The following KIAA0753 variants were observed in gnomAD, a reference collection of about 807,000 sequenced individuals.
KIAA0753 encodes the protein KIAA0753, also known as protein moonraker.
KIAA0753 carries 114 observed loss-of-function variants against 116.9 expected under a neutral mutation model. The ratio of observed to expected loss-of-function variants is 0.98; its 90% CI spans 0.84 to 1.14. The LOEUF is 1.14. Among genes scored for constraint, KIAA0753 ranks in the 50% most tolerant of loss-of-function variants. The pLI is 0.00. For missense variants in KIAA0753, 1,156 were observed against 1,172.4 expected, an observed-to-expected ratio of 0.99 and a Z score of 0.20; for synonymous variants, 405 against 413.1, an observed-to-expected ratio of 0.98 and a Z score of 0.24.
At chr17:6,632,694 G>A (rs1484168505) in intron 2 of KIAA0753, among the ~76,000 whole-genome samples, 2 of 152,188 alleles carry the variant, frequency 1.3e-5, no homozygotes, top group Admixed American at 6.5e-5. Flanking sequence ...TGCTAGTGCT[G>A]GGACTAAATT....
chr17:6,640,434 T>G (rs1197113946), intron 1 of KIAA0753: 1 of 152,338 alleles, frequency 6.6e-6, no homozygotes, highest in Non-Finnish European at 1.5e-5. Context: ...GCAGCCTTTC[T>G]CCCTCCGAGC....
chr17:6,592,728 A>G (rs750796838), intron 16 of KIAA0753, among the ~76,000 whole-genome samples: 7 of 152,256 alleles, frequency 4.6e-5, no homozygotes, highest in Non-Finnish European at 8.8e-5. Context: ...GAAGAAAACA[A>G]GAGAATCTCT....
intron 14 of KIAA0753, 44 bp from the exon 15 acceptor site, chr17:6,596,387 TA>T (rs1969489510): frequency 1.5e-6 from 2 of 1,372,400 alleles, no homozygotes; most frequent in African/African-American, 2.9e-5. Context: ...TGGGGTGGAT[TA>T]GGGGTGGGAA....
chr17:6,639,540 C>T lies in KIAA0753; in HGVS notation c.-69+1097G>A, dbSNP rs1464833136. 1.3e-5 allele frequency: 2 copies of T among 152,908 alleles called. No homozygotes were observed. Among genetic ancestry groups the T allele is most frequent in the African/African-American group, 2.4e-5 (1 of 41,444 alleles). The allele number at this position is 152,908 out of a possible 1,614,324, so 9.5% of individuals were successfully genotyped here. ...CAGGCACACTCGCAGGAGGCACCCT[C>T]CCAGCCTGTCCCTGTCCACAGAAGC... On this transcript the variant is annotated intron_variant, in intron 1 of 18. Transcript: ENST00000361413. The surrounding 1 kb of genome is among the most constrained non-coding windows in gnomAD (Gnocchi z 4.3).
At chr17:6,627,087 C>A (rs1350642874) in intron 3 of KIAA0753, among the ~76,000 whole-genome samples, 4 of 152,124 alleles carry the variant, frequency 2.6e-5, no homozygotes, top group Non-Finnish European at 5.9e-5. Flanking sequence ...GGAGAAATTT[C>A]TTTCTGGCCT....
chr17:6,611,809 G>T, intron 8 of KIAA0753, 110 bp downstream of exon 8: 1 of 789,724 alleles, frequency 1.3e-6, no homozygotes, highest in Non-Finnish European at 2.1e-6. Flanking sequence ...CAGACTCAAG[G>T]ACTGCAGCAT....
intron 7 of KIAA0753, among the ~76,000 whole-genome samples, chr17:6,619,804 G>A (rs1164661276): frequency 6.6e-6 from 1 of 152,146 alleles, no homozygotes; most frequent in East Asian, 1.9e-4. Flanking sequence ...CATATTTATA[G>A]GTGATCTCAT....
chr17:6,631,367 A>G (rs2150917004), intron 2 of KIAA0753, among the ~76,000 whole-genome samples: 1 of 152,370 alleles, frequency 6.6e-6, no homozygotes, highest in East Asian at 1.9e-4. Flanking sequence ...AGAGACACGG[A>G]TTACAATTCA....
At chr17:6,604,370 T>C (rs1341697277) in intron 12 of KIAA0753, among the ~76,000 whole-genome samples, 1 of 151,682 alleles carries the variant, frequency 6.6e-6, no homozygotes, top group African/African-American at 2.4e-5. Context: ...GCCTCCCAAA[T>C]AGCTGGGACC....
chr17:6,607,296 C>G, intron 10 of KIAA0753, 26 bp from the exon 11 acceptor site: 6 of 1,594,056 alleles, frequency 3.8e-6, no homozygotes, highest in Non-Finnish European at 5.2e-6. Flanking sequence ...AAGAGTCAAA[C>G]CAATTCTGCC....
At chr17:6,616,342 G>T (rs1166388228) in intron 7 of KIAA0753, among the ~76,000 whole-genome samples, 6 of 152,116 alleles carry the variant, frequency 3.9e-5, no homozygotes. Flanking sequence ...AGCCACCAAA[G>T]ATTTGTTTTC....
At position 6,625,331 on chromosome 17, in the gene KIAA0753, G is replaced by C. The variant is rs139058429; in HGVS notation, c.719-470C>G. ...TGAAAGACACTTAACATGGTCTTTA[G>C]TCTTTGCTGTTTAATAGAGAATAAT... On this transcript the variant is annotated intron_variant, in intron 3 of 18. Transcript: ENST00000361413. Among the ~76,000 whole-genome samples, 467 of 152,268 alleles carry C rather than the reference G, an allele frequency of 3.1e-3. 5 individuals are homozygous for C. The highest frequency in any genetic ancestry group is 0.011 in the African/African-American group (453 of 41,554).
At position 6,590,776 on chromosome 17, in the gene KIAA0753, T is replaced by C. The variant is rs1597468262; in HGVS notation, c.2441-146A>G. On this transcript the variant is annotated intron_variant, in intron 16 of 18. Transcript: ENST00000361413. The stretch of plus-strand genomic sequence containing the variant: ...GTTGGCTAGCAGTGCAATGGGAAAA[T>C]GCTCATTTTAAATGCAAAGGTGAAT... 6 of 697,018 alleles carry C rather than the reference T, an allele frequency of 8.6e-6. No individual in the cohort carries two copies. The East Asian group carries it at 1.7e-4, about 19-fold the overall frequency. 43.2% of individuals were successfully genotyped at this position (697,018 alleles called of 1,614,324 possible).
intron 2 of KIAA0753, among the ~76,000 whole-genome samples, chr17:6,634,549 G>T (rs771429262): frequency 1.3e-5 from 2 of 152,176 alleles, no homozygotes; most frequent in African/African-American, 4.8e-5. Flanking sequence ...GACATGCAAC[G>T]AAACAAGTAA....
At chr17:6,630,271 C>T (rs1391051876) in intron 2 of KIAA0753, among the ~76,000 whole-genome samples, 1 of 151,910 alleles carries the variant, frequency 6.6e-6, no homozygotes, top group Non-Finnish European at 1.5e-5. Context: ...ATTAAAAATA[C>T]ATGGAAATAC....
At chr17:6,581,322 G>A (rs548355661) in intron 18 of KIAA0753, among the ~76,000 whole-genome samples, 1 of 152,026 alleles carries the variant, frequency 6.6e-6, no homozygotes, top group Non-Finnish European at 1.5e-5. Context: ...TTTTCCTTAT[G>A]ATCAGATTCA....
intron 17 of KIAA0753, 137 bp downstream of exon 17, chr17:6,590,373 A>G (rs1968904880): frequency 2.1e-6 from 2 of 952,708 alleles, no homozygotes; most frequent in Non-Finnish European, 3.2e-6. Flanking sequence ...CTATTTACTC[A>G]GCCATCTTGG....
chr17:6,588,136 C>T (rs1310068985), intron 18 of KIAA0753, among the ~76,000 whole-genome samples: 2 of 152,068 alleles, frequency 1.3e-5, no homozygotes, highest in African/African-American at 2.4e-5. Flanking sequence ...CACCCCTATT[C>T]GCAGCTAAGT....
At chr17:6,583,207 G>T (rs991164505) in intron 18 of KIAA0753, among the ~76,000 whole-genome samples, 1 of 152,040 alleles carries the variant, frequency 6.6e-6, no homozygotes, top group Non-Finnish European at 1.5e-5. Flanking sequence ...AGTTCTTTTC[G>T]TTTGGAATTT....
Sources: gnomAD v4.1 joint callset for allele counts (sites outside exome capture counted in the v4.1 genomes callset) on GRCh38, gnomAD v4.1.1 for gene constraint, Gnocchi (gnomAD v3.1) non-coding constraint, MANE v1.5 for transcripts, NCBI Gene and HGNC (gene_info 2026-07-23, HGNC 2026-07-21) for gene names.